Variants in COIL observed in about 807,000 individuals in gnomAD.
The protein encoded by COIL is coilin, also known as coilin p80.
COIL carries 28 observed loss-of-function variants against 51.6 expected under a neutral mutation model. The observed-to-expected ratio is 0.54, with a 90% CI of 0.40 to 0.74. The LOEUF (loss-of-function observed/expected upper bound fraction) is 0.74, where lower values mean the gene tolerates loss of function less well. Among genes scored for constraint, COIL ranks in the 30% least tolerant of loss-of-function variants. COIL has a pLI of 0.00. For synonymous variants in COIL, 233 were observed against 255.8 expected, an observed-to-expected ratio of 0.91 and a Z score of 0.85; for missense variants, 667 against 685.9, an observed-to-expected ratio of 0.97 and a Z score of 0.31.
At chr17:56,947,334 G>A (rs991708304) in intron 4 of COIL, among the ~76,000 whole-genome samples, 1 of 152,140 alleles carries the variant, frequency 6.6e-6, no homozygotes, top group Non-Finnish European at 1.5e-5. Flanking sequence ...AACTGCGTTT[G>A]AGGTCAAAGC....
chr17:56,943,670 G>C (rs894353231), intron 5 of COIL, among the ~76,000 whole-genome samples: 1 of 152,108 alleles, frequency 6.6e-6, no homozygotes, highest in South Asian at 2.1e-4. Context: ...ATCATGACGC[G>C]TATCTGTTAT....
intron 1 of COIL, among the ~76,000 whole-genome samples, chr17:56,955,960 C>T (rs1365356875): frequency 6.6e-6 from 1 of 152,098 alleles, no homozygotes; most frequent in Non-Finnish European, 1.5e-5. Context: ...GAATGACATA[C>T]ATCACACACT....
At chr17:56,945,546 T>C (rs890855951) in intron 5 of COIL, among the ~76,000 whole-genome samples, 3 of 152,198 alleles carry the variant, frequency 2.0e-5, no homozygotes, top group African/African-American at 7.2e-5. Context: ...AAAGTGTATG[T>C]ATACACACAC....
intron 1 of COIL, 27 bp downstream of exon 1, chr17:56,960,748 G>T (rs765714580): frequency 4.0e-6 from 5 of 1,250,106 alleles, no homozygotes; most frequent in Admixed American, 3.0e-5. Context: ...CCGCCCACCC[G>T]GCCGTCCCGC....
chr17:56,954,217 A>G (rs1184078668), intron 1 of COIL, among the ~76,000 whole-genome samples: 1 of 152,120 alleles, frequency 6.6e-6, no homozygotes, highest in Non-Finnish European at 1.5e-5. Flanking sequence ...AGCTGGCAAC[A>G]CCCTCACGCC....
chr17:56,955,755 T>C (rs1910471465), intron 1 of COIL, among the ~76,000 whole-genome samples: 2 of 152,172 alleles, frequency 1.3e-5, no homozygotes, highest in Admixed American at 1.3e-4. Flanking sequence ...CATGGGTAAG[T>C]TGGTGAATTT....
chr17:56,952,611 C>G (rs569012005), intron 1 of COIL, among the ~76,000 whole-genome samples: 1 of 152,286 alleles, frequency 6.6e-6, no homozygotes, highest in Admixed American at 6.5e-5. Context: ...ATTCATTTCT[C>G]TGCCTGACTC....
chr17:56,941,982 T>C (rs1910157223), intron 6 of COIL, 53 bp downstream of exon 6: 5 of 1,399,682 alleles, frequency 3.6e-6, no homozygotes, highest in South Asian at 1.2e-5. Flanking sequence ...CCACAGGTAA[T>C]TGGTCAAGAG....
At chr17:56,945,672 A>G (rs1910234161) in intron 5 of COIL, among the ~76,000 whole-genome samples, 1 of 152,166 alleles carries the variant, frequency 6.6e-6, no homozygotes, top group African/African-American at 2.4e-5. Context: ...TTAATAAACC[A>G]TACCATTGTA....
intron 5 of COIL, among the ~76,000 whole-genome samples, chr17:56,945,319 T>TAA (rs1473043725): frequency 6.6e-6 from 1 of 151,864 alleles, no homozygotes; most frequent in African/African-American, 2.4e-5. Flanking sequence ...GCCTGGGCGA[T>TAA]AGAGTGAGAC....
At chr17:56,943,120 T>C (rs1389818551) in intron 5 of COIL, among the ~76,000 whole-genome samples, 2 of 152,252 alleles carry the variant, frequency 1.3e-5, no homozygotes, top group Non-Finnish European at 2.9e-5. Flanking sequence ...TGAACAGTGC[T>C]TGTGTTCTTG....
chr17:56,957,490 C>T (rs1287350891), intron 1 of COIL, among the ~76,000 whole-genome samples: 7 of 150,884 alleles, frequency 4.6e-5, no homozygotes, highest in African/African-American at 7.3e-5. Flanking sequence ...GGCATGGTGG[C>T]GGGTGCCTGT....
At position 56,951,106 on chromosome 17, in the gene COIL, G is replaced by A; in HGVS notation, c.246-110C>T. The A allele has an allele frequency of 3.7e-6, 4 of 1,067,316 alleles. No homozygotes were observed. The South Asian group carries it at 5.4e-5, about 14-fold the overall frequency. The allele number at this position is 1,067,316 out of a possible 1,614,324, so 66.1% of individuals were successfully genotyped here. ...CAAAATGTAACTACCATCAGTCAATGAAAAAATGTCACATCACTTAAAGAC... is the reference window on the plus strand; with the variant it reads ...CAAAATGTAACTACCATCAGTCAATAAAAAAATGTCACATCACTTAAAGAC... On this transcript the variant is annotated intron_variant, in intron 1 of 6. Coordinates refer to ENST00000240316, the MANE Select transcript of COIL (RefSeq NM_004645.3).
Position 56,950,232 on chromosome 17 carries a change from G to A in COIL, c.1010C>T (p.Ala337Val), listed in dbSNP as rs1910333099. 5.6e-6 allele frequency: 9 copies of A among 1,614,064 alleles called. No homozygotes were observed. The highest frequency in any genetic ancestry group is 7.6e-6 in the Non-Finnish European group (9 of 1,180,046). ...CLMSSSTPEC[A>V]AGFLKTVGLF... Reference sequence around the variant, plus strand: ...GCCTACTGTCTTTAAGAAACCCGCAGCACACTCCGGGGTGCTCGATGACAT... The same window carrying A: ...GCCTACTGTCTTTAAGAAACCCGCAACACACTCCGGGGTGCTCGATGACAT... The change falls in exon 2 of 7, where the codon GCT becomes GTT. Residue 337 changes from alanine to valine, a missense_variant. Physicochemically the swap from Ala to Val is moderately conservative, Grantham distance 64. Coordinates refer to ENST00000240316, the MANE Select transcript of COIL (RefSeq NM_004645.3).
intron 4 of COIL, among the ~76,000 whole-genome samples, chr17:56,948,306 T>G (rs1686343620): frequency 6.6e-6 from 1 of 151,802 alleles, no homozygotes; most frequent in Non-Finnish European, 1.5e-5. Context: ...CGCTAATTTT[T>G]TTTTTTGTAT....
intron 1 of COIL, among the ~76,000 whole-genome samples, chr17:56,959,747 C>T (rs1910548059): frequency 6.6e-6 from 1 of 152,196 alleles, no homozygotes; most frequent in Admixed American, 6.5e-5. Flanking sequence ...TGGGTAAGGC[C>T]GGGTCTCCGG....
intron 4 of COIL, among the ~76,000 whole-genome samples, chr17:56,947,800 C>A (rs2144396237): frequency 6.6e-6 from 1 of 152,240 alleles, no homozygotes; most frequent in South Asian, 2.1e-4. Flanking sequence ...AAATCAGTAT[C>A]ATCTAGAATT....
intron 1 of COIL, among the ~76,000 whole-genome samples, chr17:56,957,289 G>T (rs1910501891): frequency 6.7e-6 from 1 of 150,290 alleles, no homozygotes; most frequent in South Asian, 2.1e-4. Context: ...AATTCTGAGG[G>T]CTGCACGATT....
chr17:56,956,424 T>TTGG (rs1555609331), intron 1 of COIL, among the ~76,000 whole-genome samples: 4 of 151,822 alleles, frequency 2.6e-5, no homozygotes, highest in East Asian at 3.9e-4. Context: ...GTTTGTTTTT[T>TTGG]GGGGTTTTTT....
Sources: gnomAD v4.1 joint callset for allele counts (sites outside exome capture counted in the v4.1 genomes callset) on GRCh38, gnomAD v4.1.1 for gene constraint, MANE v1.5 for transcripts, NCBI Gene and HGNC (gene_info 2026-07-23, HGNC 2026-07-21) for gene names.